Variants in DCC observed in about 807,000 individuals in gnomAD.
DCC encodes the protein netrin receptor DCC.
In DCC, 58 loss-of-function variants were observed where a neutral mutation model predicts 172.5. The ratio of observed to expected loss-of-function variants is 0.34; its 90% CI spans 0.27 to 0.42. DCC has a LOEUF of 0.42. Among genes scored for constraint, DCC ranks in the 10% least tolerant of loss-of-function variants. The probability of loss-of-function intolerance (pLI) is 1.00; values close to 1 mark genes in which losing one functional copy is unlikely to be tolerated. For synonymous variants in DCC, 709 were observed against 644.5 expected (o/e 1.10, Z -1.52); for missense variants, 1,740 against 1,791.0 (o/e 0.97, Z 0.51).
chr18:52,555,180 CAAAG>C (rs1238896545), intron 1 of DCC, among the ~76,000 whole-genome samples: 5 of 152,018 alleles, frequency 3.3e-5, no homozygotes, highest in Middle Eastern at 3.4e-3. Context: ...TAGGTTTTGA[CAAAG>C]AAAACTCACA....
intron 2 of DCC, among the ~76,000 whole-genome samples, chr18:52,891,489 AAACCTTGG>A (rs1482264975): frequency 6.6e-6 from 1 of 152,126 alleles, no homozygotes; most frequent in Non-Finnish European, 1.5e-5. Context: ...TAAATGATAG[AAACCTTGG>A]GGGTCAACCT....
intron 1 of DCC, among the ~76,000 whole-genome samples, chr18:52,576,525 C>T (rs369838759): frequency 4.0e-4 from 61 of 152,202 alleles, no homozygotes; most frequent in African/African-American, 1.4e-3. Flanking sequence ...CTGGTTCATT[C>T]CTAAAGAAAA....
At chr18:53,056,564 A>G (rs1054007129) in intron 5 of DCC, among the ~76,000 whole-genome samples, 1 of 152,154 alleles carries the variant, frequency 6.6e-6, no homozygotes, top group African/African-American at 2.4e-5. Flanking sequence ...TTTTGGATTT[A>G]GAGGTAGCCC....
At chr18:52,914,843 G>C (rs184250796) in intron 3 of DCC, among the ~76,000 whole-genome samples, 160 of 152,194 alleles carry the variant, frequency 1.1e-3, no homozygotes, top group African/African-American at 3.7e-3. Flanking sequence ...CTAGCTCTCT[G>C]AAGTTAAATT....
intron 15 of DCC, among the ~76,000 whole-genome samples, chr18:53,344,692 A>T (rs1329374050): frequency 1.3e-5 from 2 of 151,118 alleles, no homozygotes; most frequent in African/African-American, 4.9e-5. Flanking sequence ...CATCCACCTC[A>T]GCCTCTCAAG....
intron 15 of DCC, among the ~76,000 whole-genome samples, chr18:53,344,227 C>T (rs1033812732): frequency 6.6e-6 from 1 of 151,762 alleles, no homozygotes; most frequent in African/African-American, 2.4e-5. Flanking sequence ...ATGTATACAT[C>T]CATTGTTGTT....
At position 52,447,888 on chromosome 18, in the gene DCC, A is replaced by T. The variant is rs1988173410; in HGVS notation, c.91+107010A>T. Among the ~76,000 whole-genome samples the T allele has an allele frequency of 1.3e-5, 2 of 152,102 alleles. 1 individual carries two copies. On this transcript the variant is annotated intron_variant, in intron 1 of 28. Transcript: ENST00000442544. ...AATCATTCATAAGAAATCCACCCCC[A>T]AGATCCAGTCACCTCCCACGAGGCC...
At chr18:52,836,995 C>T (rs1189025103) in intron 2 of DCC, among the ~76,000 whole-genome samples, 2 of 152,194 alleles carry the variant, frequency 1.3e-5, no homozygotes, top group African/African-American at 4.8e-5. Flanking sequence ...TCTATGCACC[C>T]ACTGGCTCAA....
chr18:52,593,533 T>C (rs1025132521), intron 1 of DCC, among the ~76,000 whole-genome samples: 2 of 152,226 alleles, frequency 1.3e-5, no homozygotes, highest in Admixed American at 6.5e-5. Flanking sequence ...CTTTCCTTTA[T>C]TTTTTAAAAC....
chr18:53,172,085 T>C (rs992593287), intron 8 of DCC, among the ~76,000 whole-genome samples: 6 of 152,138 alleles, frequency 3.9e-5, no homozygotes, highest in African/African-American at 1.4e-4. Context: ...CATGCACTCA[T>C]ATATTCTGGA....
At position 53,086,299 on chromosome 18, in the gene DCC, T is replaced by TTTC. The variant is rs749573944; in HGVS notation, c.1261+20155_1261+20157dup. Among the ~76,000 whole-genome samples, 7 of 36,388 alleles carry TTTC rather than the reference T, an allele frequency of 1.9e-4. 2 individuals are homozygous for TTTC. Among genetic ancestry groups the TTTC allele is most frequent in the Non-Finnish European group, 2.5e-4 (5 of 20,034 alleles). 23.9% of individuals were successfully genotyped at this position (36,388 alleles called of 152,430 possible). A position where few individuals can be genotyped will look rare whatever the true frequency, so the allele number is the denominator to read the frequency against. ...CCTTTCTTCTTCTTCTTCTTCTTCC[T>TTTC]TTCTTCTTCTTCTTCTTCTTCTTCC... is the stretch of plus-strand genomic sequence containing the variant. On this transcript the variant is annotated intron_variant, in intron 7 of 28. Transcript: ENST00000442544.
intron 1 of DCC, among the ~76,000 whole-genome samples, chr18:52,707,532 G>T (rs2036229584): frequency 6.6e-6 from 1 of 152,146 alleles, no homozygotes; most frequent in Admixed American, 6.5e-5. Context: ...TAAAAGAAAT[G>T]AAGTCAATAT....
chr18:53,322,472 T>A (rs1186656327), intron 14 of DCC, among the ~76,000 whole-genome samples: 1 of 152,112 alleles, frequency 6.6e-6, no homozygotes, highest in Non-Finnish European at 1.5e-5. Flanking sequence ...CCTTAACCAT[T>A]TCGTTCACAA....
chr18:53,227,509 C>G (rs957786717), intron 12 of DCC, among the ~76,000 whole-genome samples: 5 of 152,120 alleles, frequency 3.3e-5, no homozygotes, highest in African/African-American at 1.2e-4. Context: ...CTATGTAAAA[C>G]TGACAGAATC....
chr18:53,366,896 A>G (rs1270502031), intron 15 of DCC, among the ~76,000 whole-genome samples: 2 of 152,206 alleles, frequency 1.3e-5, no homozygotes, highest in Non-Finnish European at 2.9e-5. Flanking sequence ...CTGGGAGATG[A>G]CAAGGACTTA....
intron 2 of DCC, among the ~76,000 whole-genome samples, chr18:52,798,609 G>T (rs913322790): frequency 6.6e-6 from 1 of 152,108 alleles, no homozygotes; most frequent in Non-Finnish European, 1.5e-5. Flanking sequence ...ATTGGCCAAA[G>T]ATTATTTATA....
intron 1 of DCC, among the ~76,000 whole-genome samples, chr18:52,356,783 A>G (rs990161455): frequency 7.6e-5 from 8 of 105,618 alleles, no homozygotes; most frequent in Admixed American, 1.1e-4. Flanking sequence ...TGGAAAACCT[A>G]AATCATTTTT....
At chr18:53,061,939 A>C (rs765500791) in intron 5 of DCC, among the ~76,000 whole-genome samples, 1 of 152,100 alleles carries the variant, frequency 6.6e-6, no homozygotes, top group South Asian at 2.1e-4. Context: ...GGGAAAACAG[A>C]CAGCAGAATG....
rs142613242 is a variant in DCC, at chr18:53,089,205, C to T, written c.1261+23039C>T. Among the ~76,000 whole-genome samples the T allele has an allele frequency of 3.3e-3, 504 of 152,216 alleles. 4 individuals carry two copies. In the Middle Eastern group the frequency reaches 0.041, roughly 12 times the overall value. ...AGCTCAAGTGATTCTCCTGCCTCAGCCTACCAAGCAGCTGGGATTACAGGT... is the reference window on the plus strand; with the variant it reads ...AGCTCAAGTGATTCTCCTGCCTCAGTCTACCAAGCAGCTGGGATTACAGGT... On this transcript the variant is annotated intron_variant, in intron 7 of 28. Coordinates refer to ENST00000442544, the MANE Select transcript of DCC (RefSeq NM_005215.4).
Sources: allele counts gnomAD v4.1 joint callset (sites outside exome capture counted in the v4.1 genomes callset), GRCh38; gene constraint gnomAD v4.1.1; transcripts MANE v1.5; gene names NCBI Gene and HGNC (gene_info 2026-07-23, HGNC 2026-07-21).